Variants in DPYSL3 observed in about 807,000 individuals in gnomAD.
The protein encoded by DPYSL3 is dihydropyrimidinase-related protein 3.
A neutral mutation model predicts 66.1 loss-of-function variants in DPYSL3; 16 were observed. The ratio of observed to expected loss-of-function variants is 0.24; its 90% CI spans 0.16 to 0.37. The LOEUF is 0.37. Ranked by LOEUF, DPYSL3 falls within the 10% of genes least tolerant of loss-of-function variation. The pLI, the probability that DPYSL3 is intolerant of heterozygous loss-of-function variation, is 1.00. For synonymous variants in DPYSL3, 338 were observed against 345.1 expected, an observed-to-expected ratio of 0.98 and a Z score of 0.23; for missense variants, 738 against 916.2, an observed-to-expected ratio of 0.81 and a Z score of 2.51.
intron 12 of DPYSL3, among the ~76,000 whole-genome samples, 194 bp downstream of exon 12, chr5:147,397,472 T>C (rs745990883): frequency 3.9e-5 from 6 of 152,212 alleles, no homozygotes; most frequent in Admixed American, 6.5e-5. Flanking sequence ...AAAAAAGCTC[T>C]CTTTGAACAA....
At chr5:147,429,491 C>T (rs977476592) in intron 1 of DPYSL3, among the ~76,000 whole-genome samples, 8 of 151,852 alleles carry the variant, frequency 5.3e-5, no homozygotes, top group South Asian at 2.1e-4. Flanking sequence ...TGTGTGTGTG[C>T]GTGTATAATC....
chr5:147,410,992 C>T (rs75771480), intron 6 of DPYSL3, among the ~76,000 whole-genome samples: 2,971 of 152,220 alleles, frequency 0.02, 94 homozygotes, highest in African/African-American at 0.068. Context: ...AAACTGAGAA[C>T]GCAGACTTTG....
At chr5:147,465,050 T>A (rs1298531344) in intron 1 of DPYSL3, among the ~76,000 whole-genome samples, 1 of 149,590 alleles carries the variant, frequency 6.7e-6, no homozygotes. Context: ...AAAAATTAGC[T>A]GAACGTGGTG....
chr5:147,394,870 C>A (rs1031545858), intron 13 of DPYSL3, among the ~76,000 whole-genome samples: 1 of 151,988 alleles, frequency 6.6e-6, no homozygotes, highest in African/African-American at 2.4e-5. Flanking sequence ...GTAATTTTAC[C>A]TTTAAATGTC....
chr5:147,461,498 C>T (rs1054030771), intron 1 of DPYSL3, among the ~76,000 whole-genome samples: 3 of 152,110 alleles, frequency 2.0e-5, no homozygotes, highest in Non-Finnish European at 4.4e-5. Context: ...TATTAAACTT[C>T]CACTCTCAAC....
chr5:147,489,112 A>G (rs1753377878), intron 1 of DPYSL3, among the ~76,000 whole-genome samples: 1 of 151,958 alleles, frequency 6.6e-6, no homozygotes, highest in Non-Finnish European at 1.5e-5. Context: ...CTTCCTTTCC[A>G]TGCTCTATCT....
At chr5:147,475,554 C>T (rs910486736) in intron 1 of DPYSL3, among the ~76,000 whole-genome samples, 2 of 151,842 alleles carry the variant, frequency 1.3e-5, no homozygotes, top group African/African-American at 4.8e-5. Flanking sequence ...GATTAAAATC[C>T]TAAAACAAAT....
intron 1 of DPYSL3, among the ~76,000 whole-genome samples, chr5:147,442,165 A>T (rs574255932): frequency 6.6e-6 from 1 of 152,354 alleles, no homozygotes; most frequent in African/African-American, 2.4e-5. Flanking sequence ...AAAAGTTTTA[A>T]AAACAAACAC....
intron 1 of DPYSL3, among the ~76,000 whole-genome samples, chr5:147,487,580 GT>G (rs1214851777): frequency 6.6e-6 from 1 of 152,024 alleles, no homozygotes; most frequent in Non-Finnish European, 1.5e-5. Context: ...CCCACCACCT[GT>G]TTTTTTGTTT....
At chr5:147,413,399 C>T (rs1751895748) in intron 5 of DPYSL3, among the ~76,000 whole-genome samples, 197 bp downstream of exon 5, 1 of 152,174 alleles carries the variant, frequency 6.6e-6, no homozygotes, top group East Asian at 1.9e-4. Context: ...ACTCTAGCTC[C>T]CTGTCTGTCT....
chr5:147,401,596 G>A lies in DPYSL3; in HGVS notation c.1254C>T (p.Ser418=), dbSNP rs183360676. Residue 418 remains serine (S), a synonymous_variant, in exon 9 of 14, where the codon TCC becomes TCT. Coordinates refer to ENST00000343218, the MANE Select transcript of DPYSL3 (RefSeq NM_001197294.2). ...NWAKAAAFVT[S]PPLSPDPTTP... ...TAGTTGGGTCAGGGCTCAGGGGTGG[G>A]GATGTCACAAATGCAGCCGCCTTGG... The A allele has an allele frequency of 1.7e-5, 27 of 1,613,924 alleles. No homozygotes were observed. The East Asian group carries it at 2.9e-4, about 17-fold the overall frequency.
intron 1 of DPYSL3, among the ~76,000 whole-genome samples, chr5:147,506,570 T>C (rs144652140): frequency 2.0e-5 from 3 of 152,102 alleles, no homozygotes; most frequent in Non-Finnish European, 2.9e-5. Flanking sequence ...ATCAGGATGG[T>C]AAAATGCTCA....
intron 2 of DPYSL3, among the ~76,000 whole-genome samples, chr5:147,423,391 TATTTAC>T (rs1189843634): frequency 6.6e-6 from 1 of 152,210 alleles, no homozygotes; most frequent in Middle Eastern, 3.2e-3. Context: ...TTTAGCAAGT[TATTTAC>T]ACTCTATGTG....
At chr5:147,406,344 A>T (rs577691399) in intron 7 of DPYSL3, 1 of 152,324 alleles carries the variant, frequency 6.6e-6, no homozygotes, top group South Asian at 2.1e-4. Flanking sequence ...AGAAATTAGA[A>T]GTTTTCCCTT....
chr5:147,399,348 G>C (rs1758101970), intron 10 of DPYSL3, 96 bp from the exon 11 acceptor site: 1 of 1,392,796 alleles, frequency 7.2e-7, no homozygotes, highest in African/African-American at 1.5e-5. Flanking sequence ...CAAAGGCATA[G>C]AAATACAAAA....
chr5:147,409,068 C>T (rs1300211348), intron 6 of DPYSL3, among the ~76,000 whole-genome samples: 1 of 152,162 alleles, frequency 6.6e-6, no homozygotes, highest in Non-Finnish European at 1.5e-5. Context: ...CATACCAGGT[C>T]ACTTATTGTT....
intron 1 of DPYSL3, among the ~76,000 whole-genome samples, chr5:147,455,427 A>C (rs1472229185): frequency 1.3e-5 from 2 of 152,184 alleles, no homozygotes; most frequent in Non-Finnish European, 2.9e-5. Context: ...CCAAGCAAAG[A>C]TCACCTCCCT....
chr5:147,468,934 A>T (rs993541352), intron 1 of DPYSL3, among the ~76,000 whole-genome samples: 2 of 152,172 alleles, frequency 1.3e-5, no homozygotes, highest in African/African-American at 2.4e-5. Context: ...TTCATATTAA[A>T]TTTTTTTCAA....
Position 147,393,904 on chromosome 5 carries a change from A to G in DPYSL3, c.*131T>C. 1 of 895,750 alleles carries G rather than the reference A, an allele frequency of 1.1e-6. No homozygotes were observed. The highest frequency in any genetic ancestry group is 1.7e-6 in the Non-Finnish European group (1 of 577,262). The allele number at this position is 895,750 out of a possible 1,614,324, so 55.5% of individuals were successfully genotyped here. On this transcript the variant is annotated 3_prime_UTR_variant, in exon 14 of 14. Coordinates refer to ENST00000343218, the MANE Select transcript of DPYSL3 (RefSeq NM_001197294.2). The stretch of plus-strand genomic sequence containing the variant: ...AGCGAGCGTAACATTGGAGAAACAT[A>G]AGGCTTGAGGCTTATTGATTCTTTA...
Sources: allele counts gnomAD v4.1 joint callset (sites outside exome capture counted in the v4.1 genomes callset), GRCh38; gene constraint gnomAD v4.1.1; transcripts MANE v1.5; gene names NCBI Gene and HGNC (gene_info 2026-07-23, HGNC 2026-07-21).